The following PDE4D variants were observed in gnomAD, a reference collection of about 807,000 sequenced individuals.
The protein encoded by PDE4D is 3',5'-cyclic-AMP phosphodiesterase 4D.
A neutral mutation model predicts 87.4 loss-of-function variants in PDE4D; 24 were observed. That is an observed-to-expected ratio of 0.27 (90% CI 0.20 to 0.39). The LOEUF (loss-of-function observed/expected upper bound fraction) is 0.39. Among genes scored for constraint, PDE4D ranks in the 10% least tolerant of loss-of-function variants. The pLI, the probability that PDE4D is intolerant of heterozygous loss-of-function variation, is 1.00. For missense variants in PDE4D, 714 were observed against 1,041.0 expected (o/e 0.69, Z 4.32); for synonymous variants, 384 against 383.2 (o/e 1.00, Z -0.02).
At chr5:59,539,572 A>T (rs1210624509) in intron 1 of PDE4D, among the ~76,000 whole-genome samples, 2 of 151,798 alleles carry the variant, frequency 1.3e-5, no homozygotes, top group African/African-American at 4.9e-5. Flanking sequence ...AACTTGATGA[A>T]GAAGCCAATT....
intron 2 of PDE4D, among the ~76,000 whole-genome samples, chr5:59,201,712 A>C (rs1264760865): frequency 6.6e-6 from 1 of 152,200 alleles, no homozygotes; most frequent in African/African-American, 2.4e-5. Context: ...CCTAGGGAAT[A>C]AAGTTCCTAA....
chr5:59,208,155 A>G (rs1026098370), intron 2 of PDE4D, among the ~76,000 whole-genome samples: 20 of 152,326 alleles, frequency 1.3e-4, no homozygotes, highest in Non-Finnish European at 2.6e-4. Context: ...CAACAGAGTG[A>G]GACTCTATCT....
chr5:60,354,820 T>G (rs1290731218), intron 1 of PDE4D, among the ~76,000 whole-genome samples: 2 of 152,162 alleles, frequency 1.3e-5, no homozygotes, highest in Non-Finnish European at 2.9e-5. Context: ...TTCATTCTGT[T>G]GGACACTGAA....
At chr5:59,505,488 T>A (rs1169795143) in intron 1 of PDE4D, among the ~76,000 whole-genome samples, 1 of 152,234 alleles carries the variant, frequency 6.6e-6, no homozygotes, top group Non-Finnish European at 1.5e-5. Flanking sequence ...GCAGGTTTTC[T>A]ACACTTAAAT....
intron 1 of PDE4D, among the ~76,000 whole-genome samples, chr5:59,835,582 A>T (rs1186097217): frequency 2.0e-5 from 3 of 152,024 alleles, no homozygotes. Flanking sequence ...CATATACATC[A>T]CTTAATAAGT....
chr5:60,127,218 G>A (rs1779191219), intron 2 of PDE4D, among the ~76,000 whole-genome samples: 1 of 152,152 alleles, frequency 6.6e-6, no homozygotes, highest in East Asian at 1.9e-4. Context: ...TTCAGGATAA[G>A]GCAGAAAGGA....
At chr5:59,154,840 C>A (rs1779931114) in intron 5 of PDE4D, among the ~76,000 whole-genome samples, 1 of 152,160 alleles carries the variant, frequency 6.6e-6, no homozygotes, top group African/African-American at 2.4e-5. Flanking sequence ...GAGCTTAAAT[C>A]TTGCCACTGC....
Position 60,328,189 on chromosome 5 carries a change from A to G in PDE4D, c.-89-142502T>C, listed in dbSNP as rs138185688. Among the ~76,000 whole-genome samples, 1,094 of 152,268 alleles carry G rather than the reference A, an allele frequency of 7.2e-3. 8 individuals carry two copies. The highest frequency in any genetic ancestry group is 0.025 in the African/African-American group (1,057 of 41,558). On this transcript the variant is annotated intron_variant, in intron 1 of 16. Coordinates refer to the PDE4D transcript ENST00000502484. The stretch of plus-strand genomic sequence containing the variant: ...TAAGGCATTTGACCTCCTTCCATAC[A>G]ATGACTAAAGGGACACAATGGGGTG...
intron 2 of PDE4D, among the ~76,000 whole-genome samples, chr5:60,036,465 T>C (rs1302050803): frequency 6.6e-6 from 1 of 152,208 alleles, no homozygotes; most frequent in Non-Finnish European, 1.5e-5. Context: ...ATTGATGAGA[T>C]AGTGAAAAGG....
In PDE4D at chr5:59,480,145, AAAG is replaced by A. The variant is rs1312553275; in HGVS notation, c.456-264180_456-264178del. On this transcript the variant is annotated intron_variant, in intron 1 of 14. Coordinates refer to ENST00000340635, the MANE Select transcript of PDE4D (RefSeq NM_001104631.2). ...GCATGAGCATTTCAATAACTTCATTAAAGAAGAAATTCTCCAAGATTTTTGTTC... is the reference window on the plus strand; with the variant it reads ...GCATGAGCATTTCAATAACTTCATTAAAGAAATTCTCCAAGATTTTTGTTC... 2.0e-5 allele frequency among the ~76,000 whole-genome samples: 3 copies of A among 152,128 alleles called. No individual in the cohort carries two copies. The East Asian group carries it at 5.8e-4, about 29-fold the overall frequency.
At chr5:59,860,246 G>A (rs997746265) in intron 1 of PDE4D, among the ~76,000 whole-genome samples, 1 of 152,158 alleles carries the variant, frequency 6.6e-6, no homozygotes, top group Non-Finnish European at 1.5e-5. Flanking sequence ...GATGGATGCT[G>A]TGAAGTAGAT....
chr5:60,177,425 C>A (rs910047021), intron 2 of PDE4D, among the ~76,000 whole-genome samples: 2 of 152,098 alleles, frequency 1.3e-5, no homozygotes, highest in African/African-American at 4.8e-5. Flanking sequence ...ATGTTTAAAG[C>A]AGCAAAAAAT....
intron 1 of PDE4D, among the ~76,000 whole-genome samples, chr5:60,380,717 C>A (rs576310076): frequency 2.0e-5 from 3 of 152,252 alleles, no homozygotes; most frequent in African/African-American, 4.8e-5. Flanking sequence ...TGAAGGTGAA[C>A]ACAATAAGGT....
At chr5:59,808,298 CTCTTT>C (rs1160896897) in intron 1 of PDE4D, among the ~76,000 whole-genome samples, 1 of 152,202 alleles carries the variant, frequency 6.6e-6, no homozygotes, top group African/African-American at 2.4e-5. Context: ...ACAGAACTTT[CTCTTT>C]TAAGATTGGC....
At chr5:60,364,479 A>G (rs968126830) in intron 1 of PDE4D, among the ~76,000 whole-genome samples, 2 of 152,316 alleles carry the variant, frequency 1.3e-5, no homozygotes, top group African/African-American at 4.8e-5. Context: ...GTATTAAATA[A>G]CTTATTTAAT....
intron 2 of PDE4D, among the ~76,000 whole-genome samples, chr5:59,214,032 T>TCACACACACACA (rs199738839): frequency 1.7e-4 from 23 of 132,774 alleles, no homozygotes; most frequent in African/African-American, 6.0e-4. Context: ...CATACATACT[T>TCACACACACACA]CACACACACA....
intron 1 of PDE4D, among the ~76,000 whole-genome samples, chr5:59,407,217 T>C (rs529846647): frequency 1.6e-4 from 24 of 152,318 alleles, no homozygotes; most frequent in African/African-American, 5.8e-4. Context: ...TAAAGGTGTG[T>C]AACACCTTCC....
At position 58,973,314 on chromosome 5, in the gene PDE4D, T is replaced by TAGTG. The variant is rs1248933575; in HGVS notation, c.*1346_*1349dup. 1.3e-5 allele frequency: 2 copies of TAGTG among 152,150 alleles called. No homozygotes were observed. The highest frequency in any genetic ancestry group is 2.9e-5 in the Non-Finnish European group (2 of 68,038). The allele number at this position is 152,150 out of a possible 1,614,324, so 9.4% of individuals were successfully genotyped here. On this transcript the variant is annotated 3_prime_UTR_variant, in exon 15 of 15. Transcript: ENST00000340635. ...TGTTTCTTTTCACCGGTGACAATGGTAGTGATATATTTGACAAGACCTCAT... is the reference window on the plus strand; with the variant it reads ...TGTTTCTTTTCACCGGTGACAATGGTAGTGAGTGATATATTTGACAAGACCTCAT...
chr5:60,093,889 G>A (rs779782519), intron 2 of PDE4D, among the ~76,000 whole-genome samples: 1 of 152,066 alleles, frequency 6.6e-6, no homozygotes, highest in Non-Finnish European at 1.5e-5. Context: ...AACGATTTCT[G>A]TAAGATAATA....
Sources: gnomAD v4.1 joint callset for allele counts (sites outside exome capture counted in the v4.1 genomes callset) on GRCh38, gnomAD v4.1.1 for gene constraint, MANE v1.5 for transcripts, NCBI Gene and HGNC (gene_info 2026-07-23, HGNC 2026-07-21) for gene names.